Variants in RIMS2 observed in about 807,000 individuals in gnomAD.
RIMS2 encodes regulating synaptic membrane exocytosis protein 2.
A neutral mutation model predicts 174.4 loss-of-function variants in RIMS2; 59 were observed. The observed-to-expected ratio is 0.34, with a 90% CI of 0.27 to 0.42. The LOEUF is 0.42. Among genes scored for constraint, RIMS2 ranks in the 10% least tolerant of loss-of-function variants. The pLI is 1.00. For missense variants in RIMS2, 1,620 were observed against 1,666.3 expected, an observed-to-expected ratio of 0.97 and a Z score of 0.48; for synonymous variants, 606 against 572.5, an observed-to-expected ratio of 1.06 and a Z score of -0.84.
rs76832295 is a variant in RIMS2, at chr8:104,178,123, G to A, written c.3335-66793G>A. On this transcript the variant is annotated intron_variant, in intron 19 of 23. Coordinates refer to ENST00000504942, the Ensembl canonical transcript of RIMS2. ...CTTTCTTAGATCAGAAAGAAGTTCA[G>A]ACACAGTGTGGCTCAGCTGGTTCTC... is the stretch of plus-strand genomic sequence containing the variant. 5.6e-3 allele frequency among the ~76,000 whole-genome samples: 856 copies of A among 152,280 alleles called. 6 individuals carry two copies. Among genetic ancestry groups the A allele is most frequent in the African/African-American group, 0.019 (792 of 41,564 alleles).
chr8:103,741,953 T>C (rs992804905), intron 2 of RIMS2, among the ~76,000 whole-genome samples: 1 of 152,082 alleles, frequency 6.6e-6, no homozygotes, highest in African/African-American at 2.4e-5. Flanking sequence ...GATTACATAC[T>C]GTGACAAAAG....
chr8:103,858,454 G>GA (rs1402419604), intron 3 of RIMS2, among the ~76,000 whole-genome samples: 14 of 151,856 alleles, frequency 9.2e-5, no homozygotes, highest in Non-Finnish European at 1.3e-4. Flanking sequence ...TATAAAATCA[G>GA]AAAAATTAAG....
chr8:103,986,907 A>C (rs926874319), intron 16 of RIMS2, among the ~76,000 whole-genome samples: 6 of 151,806 alleles, frequency 4.0e-5, no homozygotes, highest in East Asian at 1.9e-4. Flanking sequence ...ATTAAAAAAA[A>C]AACAACCAGC....
chr8:104,069,083 T>G (rs2154561386), intron 19 of RIMS2, among the ~76,000 whole-genome samples: 1 of 152,344 alleles, frequency 6.6e-6, no homozygotes, highest in African/African-American at 2.4e-5. Context: ...AGAAGCCATA[T>G]ATCAAGTACT....
intron 19 of RIMS2, among the ~76,000 whole-genome samples, chr8:104,190,123 A>G (rs143770181): frequency 1.4e-4 from 22 of 152,036 alleles, no homozygotes; most frequent in African/African-American, 5.3e-4. Context: ...ACAACATAAT[A>G]AGACCTTCTC....
chr8:104,145,740 G>T (rs527647046), intron 19 of RIMS2, among the ~76,000 whole-genome samples: 4 of 151,166 alleles, frequency 2.6e-5, no homozygotes, highest in Admixed American at 2.0e-4. Context: ...GTGCATGCCT[G>T]CAATCCCAGC....
intron 4 of RIMS2, among the ~76,000 whole-genome samples, chr8:103,893,579 C>CTG (rs2099259905): frequency 1.3e-5 from 2 of 152,036 alleles, no homozygotes; most frequent in East Asian, 3.9e-4. Flanking sequence ...CATCACTTTT[C>CTG]TGTATATCTC....
At position 103,813,536 on chromosome 8, in the gene RIMS2, A is replaced by G. The variant is rs187621649; in HGVS notation, c.698+46999A>G. On this transcript the variant is annotated intron_variant, in intron 3 of 23. Transcript: ENST00000504942. ...TCATTTACATTAGGTGTATCTCCTAATGCTATCTCTCCCGCCTCTCCCACC... is the reference window on the plus strand; with the variant it reads ...TCATTTACATTAGGTGTATCTCCTAGTGCTATCTCTCCCGCCTCTCCCACC... 1.3e-4 allele frequency among the ~76,000 whole-genome samples: 20 copies of G among 152,110 alleles called. No individual in the cohort carries two copies. In the East Asian group the frequency reaches 3.7e-3, roughly 28 times the overall value.
intron 4 of RIMS2, among the ~76,000 whole-genome samples, chr8:103,907,730 A>C (rs961054783): frequency 6.7e-6 from 1 of 150,100 alleles, no homozygotes; most frequent in African/African-American, 2.4e-5. Context: ...TGTTTTTTTT[A>C]TTTTATTTTA....
At chr8:103,867,930 A>T (rs555878885) in intron 3 of RIMS2, among the ~76,000 whole-genome samples, 2 of 151,996 alleles carry the variant, frequency 1.3e-5, no homozygotes, top group Non-Finnish European at 2.9e-5. Context: ...AATAATTACC[A>T]TTGGTATTAT....
intron 19 of RIMS2, among the ~76,000 whole-genome samples, chr8:104,208,650 A>C (rs770010989): frequency 2.6e-5 from 4 of 152,196 alleles, no homozygotes; most frequent in Non-Finnish European, 5.9e-5. Flanking sequence ...CAATGGACAA[A>C]GGTGCTCAGG....
At chr8:103,520,022 G>A (rs1300403000) in intron 1 of RIMS2, among the ~76,000 whole-genome samples, 1 of 152,016 alleles carries the variant, frequency 6.6e-6, no homozygotes, top group East Asian at 1.9e-4. Flanking sequence ...AGTCAAGGCA[G>A]TACAGTGTAT....
In RIMS2 at chr8:104,173,506, T is replaced by G. The variant is rs566083382; in HGVS notation, c.3335-71410T>G. 2.8e-4 allele frequency among the ~76,000 whole-genome samples: 42 copies of G among 152,004 alleles called. 1 individual carries two copies. Among genetic ancestry groups the G allele is most frequent in the Non-Finnish European group, 5.9e-4 (40 of 67,992 alleles). On this transcript the variant is annotated intron_variant, in intron 19 of 23. Transcript: ENST00000504942. ...GTAATCTTTAATTTTTTTACTATGG[T>G]TTTGATCATGAGAGTTTCCATAATG...
chr8:103,942,677 C>T, intron 13 of RIMS2, 96 bp from the exon 16 acceptor site: 1 of 854,666 alleles, frequency 1.2e-6, no homozygotes, highest in Non-Finnish European at 1.7e-6. Context: ...AATAGCATTA[C>T]TATTATAATT....
At chr8:103,773,467 C>T (rs148975712) in intron 3 of RIMS2, among the ~76,000 whole-genome samples, 137 of 152,292 alleles carry the variant, frequency 9.0e-4, no homozygotes, top group East Asian at 8.7e-3. Context: ...CGGTGGCTCA[C>T]GCCTGTAATC....
intron 1 of RIMS2, among the ~76,000 whole-genome samples, chr8:103,592,221 TC>T (rs2094296447): frequency 6.6e-6 from 1 of 151,200 alleles, no homozygotes; most frequent in African/African-American, 2.4e-5. Flanking sequence ...ATTTACTTTT[TC>T]CCCTCCAAAT....
chr8:103,682,925 G>C (rs1031260970), intron 1 of RIMS2, among the ~76,000 whole-genome samples: 6 of 152,120 alleles, frequency 3.9e-5, no homozygotes, highest in Non-Finnish European at 7.4e-5. Context: ...TTATGTAAGA[G>C]AGTTTTAAAT....
chr8:104,070,382 G>A (rs2097176238), intron 19 of RIMS2, among the ~76,000 whole-genome samples: 1 of 152,148 alleles, frequency 6.6e-6, no homozygotes. Context: ...TTACTCAGTA[G>A]GTTCTAAATT....
At chr8:104,091,793 T>C (rs1396990113) in intron 19 of RIMS2, among the ~76,000 whole-genome samples, 1 of 151,610 alleles carries the variant, frequency 6.6e-6, no homozygotes, top group Non-Finnish European at 1.5e-5. Context: ...AAAATAATAT[T>C]ATGATCTAAA....
Sources: allele counts gnomAD v4.1 joint callset (sites outside exome capture counted in the v4.1 genomes callset), GRCh38; gene constraint gnomAD v4.1.1; transcripts MANE v1.5; gene names NCBI Gene and HGNC (gene_info 2026-07-23, HGNC 2026-07-21).